Variants in NCAM2 observed in about 807,000 individuals in gnomAD.
NCAM2 encodes the protein N-CAM-2.
NCAM2 carries 30 observed loss-of-function variants against 98.1 expected under a neutral mutation model. The ratio of observed to expected loss-of-function variants is 0.31; its 90% CI spans 0.23 to 0.41. NCAM2 has a LOEUF of 0.41. Among genes scored for constraint, NCAM2 ranks in the 10% least tolerant of loss-of-function variants. The pLI, the probability that NCAM2 is intolerant of heterozygous loss-of-function variation, is 1.00. For missense variants in NCAM2, 867 were observed against 1,005.8 expected (o/e 0.86, Z 1.87); for synonymous variants, 368 against 342.4 (o/e 1.07, Z -0.83).
At chr21:21,464,609 A>G (rs1451325912) in intron 12 of NCAM2, among the ~76,000 whole-genome samples, 1 of 152,148 alleles carries the variant, frequency 6.6e-6, no homozygotes, top group African/African-American at 2.4e-5. Context: ...GCATCAAAAC[A>G]AATTCATGTT....
At chr21:21,043,368 T>C (rs1468543051) in intron 1 of NCAM2, among the ~76,000 whole-genome samples, 2 of 152,138 alleles carry the variant, frequency 1.3e-5, no homozygotes. Context: ...TAATATCTCA[T>C]GGGGTTATTT....
rs576358340 is a variant in NCAM2, at chr21:21,267,534, C to A, written c.56-13044C>A. On this transcript the variant is annotated intron_variant, in intron 1 of 17. Coordinates refer to ENST00000400546, the MANE Select transcript of NCAM2 (RefSeq NM_004540.5). The stretch of plus-strand genomic sequence containing the variant: ...AAACTAATTTTGTTTAAATAAATTC[C>A]ATTTAAATTTGGATTGTGTAAAGAT... Among the ~76,000 whole-genome samples the A allele has an allele frequency of 3.3e-5, 5 of 151,936 alleles. No homozygotes were observed. In the East Asian group the frequency reaches 9.7e-4, roughly 29 times the overall value.
chr21:21,290,317 T>A (rs936617324), intron 4 of NCAM2, among the ~76,000 whole-genome samples: 1 of 151,954 alleles, frequency 6.6e-6, no homozygotes, highest in African/African-American at 2.4e-5. Context: ...TAAATTTTAT[T>A]TATTTATAAT....
intron 6 of NCAM2, among the ~76,000 whole-genome samples, chr21:21,330,455 G>T (rs940440694): frequency 9.2e-5 from 14 of 151,932 alleles, no homozygotes; most frequent in African/African-American, 3.4e-4. Flanking sequence ...TATTACTGCT[G>T]TTGATTTTTA....
intron 12 of NCAM2, among the ~76,000 whole-genome samples, chr21:21,437,614 A>G (rs569619303): frequency 7.5e-4 from 114 of 152,120 alleles, no homozygotes; most frequent in African/African-American, 2.5e-3. Flanking sequence ...GAGGCCATTC[A>G]AAACCAATCT....
intron 1 of NCAM2, among the ~76,000 whole-genome samples, chr21:21,241,124 A>C (rs1217266614): frequency 6.6e-6 from 1 of 152,170 alleles, no homozygotes; most frequent in Non-Finnish European, 1.5e-5. Context: ...TGATTTATAA[A>C]TTCAGCATAC....
intron 15 of NCAM2, among the ~76,000 whole-genome samples, chr21:21,485,876 G>T (rs1986306579): frequency 6.6e-6 from 1 of 151,970 alleles, no homozygotes; most frequent in South Asian, 2.1e-4. Flanking sequence ...TTCATATGAG[G>T]GCTAGGCCTC....
intron 15 of NCAM2, among the ~76,000 whole-genome samples, chr21:21,481,096 C>T (rs1011253913): frequency 6.6e-6 from 1 of 152,164 alleles, no homozygotes; most frequent in African/African-American, 2.4e-5. Context: ...GTAAACCCGT[C>T]TAAGCAATGC....
intron 5 of NCAM2, among the ~76,000 whole-genome samples, chr21:21,299,695 A>G (rs2073638171): frequency 6.6e-6 from 1 of 151,462 alleles, no homozygotes; most frequent in Non-Finnish European, 1.5e-5. Context: ...TCTAAATATG[A>G]CCTGCCTTAT....
chr21:21,122,653 C>T (rs1184363110), intron 1 of NCAM2, among the ~76,000 whole-genome samples: 1 of 152,124 alleles, frequency 6.6e-6, no homozygotes, highest in Non-Finnish European at 1.5e-5. Flanking sequence ...CATGGATGGA[C>T]CTATTCAGTT....
chr21:21,435,326 C>T (rs760411530), intron 12 of NCAM2, among the ~76,000 whole-genome samples: 5 of 152,098 alleles, frequency 3.3e-5, no homozygotes, highest in South Asian at 2.1e-4. Context: ...TTCCAAATTG[C>T]GATGCAAATA....
At chr21:21,226,114 C>T (rs2070371423) in intron 1 of NCAM2, among the ~76,000 whole-genome samples, 2 of 151,940 alleles carry the variant, frequency 1.3e-5, no homozygotes, top group South Asian at 4.1e-4. Context: ...AATGAGCACA[C>T]ACAGACACAA....
intron 15 of NCAM2, among the ~76,000 whole-genome samples, chr21:21,495,138 T>A (rs1395260393): frequency 1.3e-5 from 2 of 151,938 alleles, no homozygotes; most frequent in African/African-American, 2.4e-5. Context: ...GGGGGGCTAC[T>A]TAAAATTCCA....
intron 5 of NCAM2, among the ~76,000 whole-genome samples, chr21:21,319,128 C>CA (rs1387608919): frequency 1.3e-5 from 2 of 151,274 alleles, no homozygotes; most frequent in South Asian, 2.1e-4. Context: ...AAAAGAAAAA[C>CA]AAACAAAAAA....
rs537322902 is a variant in NCAM2 at position 21,041,723 on chromosome 21, G to A, written c.55+43105G>A. On this transcript the variant is annotated intron_variant, in intron 1 of 17. Coordinates refer to ENST00000400546, the MANE Select transcript of NCAM2 (RefSeq NM_004540.5). ...ATTTGACTTTGCTTCAGGGAAAGAC[G>A]TCAGAATATATTATATAGTAACAGA... Among the ~76,000 whole-genome samples, 6 of 152,262 alleles carry A rather than the reference G, an allele frequency of 3.9e-5. No individual in the cohort carries two copies. In the South Asian group the frequency reaches 1.2e-3, roughly 32 times the overall value.
At chr21:21,188,267 C>G (rs1038448868) in intron 1 of NCAM2, among the ~76,000 whole-genome samples, 3 of 152,104 alleles carry the variant, frequency 2.0e-5, no homozygotes, top group Non-Finnish European at 4.4e-5. Context: ...AGGTTAAGAT[C>G]TGCTAACAGC....
intron 1 of NCAM2, among the ~76,000 whole-genome samples, chr21:21,119,362 C>T (rs1232787544): frequency 6.6e-6 from 1 of 152,122 alleles, no homozygotes; most frequent in African/African-American, 2.4e-5. Flanking sequence ...TTATGGTAGT[C>T]ATACAGCTAT....
intron 1 of NCAM2, among the ~76,000 whole-genome samples, chr21:21,276,722 G>A (rs1406736850): frequency 1.3e-5 from 2 of 151,974 alleles, no homozygotes; most frequent in African/African-American, 2.4e-5. Flanking sequence ...TAATATATAT[G>A]TATAGTTCAA....
chr21:21,148,755 A>C (rs2067363134), intron 1 of NCAM2, among the ~76,000 whole-genome samples: 1 of 152,150 alleles, frequency 6.6e-6, no homozygotes, highest in Non-Finnish European at 1.5e-5. Context: ...GTTGATGTTC[A>C]AATCTTTGCA....
Sources: gnomAD v4.1 joint callset for allele counts (sites outside exome capture counted in the v4.1 genomes callset) on GRCh38, gnomAD v4.1.1 for gene constraint, MANE v1.5 for transcripts, NCBI Gene and HGNC (gene_info 2026-07-23, HGNC 2026-07-21) for gene names.